AMZ1: variants seen among roughly 807,000 people sequenced by gnomAD.
AMZ1 encodes archaemetzincin-1.
Under a neutral mutation model 29.9 loss-of-function variants are expected in AMZ1, and 39 were observed. That is an observed-to-expected ratio of 1.30 (90% CI 1.01 to 1.70). AMZ1 has a LOEUF of 1.70. Among genes scored for constraint, AMZ1 ranks in the 40% most tolerant of loss-of-function variants. AMZ1 has a pLI of 0.00. For synonymous variants in AMZ1, 458 were observed against 304.0 expected (o/e 1.51, Z -5.27); for missense variants, 1,041 against 680.6 (o/e 1.53, Z -5.89).
intron 3 of AMZ1, among the ~76,000 whole-genome samples, chr7:2,707,665 GCTCCAGGAAA>G (rs558973873): frequency 3.1e-4 from 47 of 152,160 alleles, no homozygotes; most frequent in East Asian, 1.5e-3. Flanking sequence ...TCAAGGGTTG[GCTCCAGGAAA>G]CTCCAGGGAG....
chr7:2,710,512 G>C, intron 6 of AMZ1, among the ~76,000 whole-genome samples: 1 of 152,230 alleles, frequency 6.6e-6, no homozygotes, highest in East Asian at 1.9e-4. Flanking sequence ...TGAGGCAAGT[G>C]GGGGTGTGGT....
rs185039713 is a variant in AMZ1 at position 2,712,898 on chromosome 7, C to T, written c.*20C>T. Reference sequence around the variant, plus strand: ...AGTTAGTACAGCAGGGGCTGCCCTACGTCTCCTTCCCTAAGGATGCTGGCC... The same window carrying T: ...AGTTAGTACAGCAGGGGCTGCCCTATGTCTCCTTCCCTAAGGATGCTGGCC... On this transcript the variant is annotated 3_prime_UTR_variant, in exon 7 of 7. Coordinates refer to ENST00000683327, the MANE Select transcript of AMZ1 (RefSeq NM_001384743.1). 3.1e-3 allele frequency: 4,617 copies of T among 1,508,252 alleles called. 15 individuals carry two copies. The highest frequency in any genetic ancestry group is 3.9e-3 in the Non-Finnish European group (4,388 of 1,128,440). The allele number at this position is 1,508,252 out of a possible 1,614,324, so 93.4% of individuals were successfully genotyped here. A position where few individuals can be genotyped will look rare whatever the true frequency, so the allele number is the denominator to read the frequency against.
At chr7:2,708,867 C>G (rs549400741) in intron 4 of AMZ1, 151 bp downstream of exon 4, 92 of 1,363,592 alleles carry the variant, frequency 6.7e-5, no homozygotes, top group Non-Finnish European at 7.2e-5. Context: ...CCCCTTCCAG[C>G]TCCTCCTGAG....
chr7:2,714,948 T>A lies in AMZ1; in HGVS notation c.*2070T>A, dbSNP rs1184171644. The A allele has an allele frequency of 1.3e-5, 2 of 152,136 alleles. No homozygotes were observed. Among genetic ancestry groups the A allele is most frequent in the Non-Finnish European group, 2.9e-5 (2 of 67,988 alleles). The allele number at this position is 152,136 out of a possible 1,614,324, so 9.4% of individuals were successfully genotyped here. A position where few individuals can be genotyped will look rare whatever the true frequency, so the allele number is the denominator to read the frequency against. ...ATTTCAGAGAAGCTCAGATGTAGCA[T>A]TAGGACCTTCATCCATACCCTTCTC... On this transcript the variant is annotated 3_prime_UTR_variant, in exon 7 of 7. Transcript: ENST00000683327.
At chr7:2,707,818 C>CTTTTTTTTTTTTTT in intron 3 of AMZ1, among the ~76,000 whole-genome samples, 1 of 95,340 alleles carries the variant, frequency 1.0e-5, no homozygotes, top group Non-Finnish European at 2.0e-5. Context: ...CTAACGAGGG[C>CTTTTTTTTTTTTTT]TTTTTTTTTT....
downstream of AMZ1, among the ~76,000 whole-genome samples, chr7:2,723,654 C>T (rs757381326): frequency 5.3e-5 from 8 of 152,154 alleles, no homozygotes; most frequent in Admixed American, 1.3e-4. Flanking sequence ...CTCTCGGGGA[C>T]GATTCAGATC....
chr7:2,682,495 G>A (rs1786919065), intron 1 of AMZ1, among the ~76,000 whole-genome samples: 3 of 152,088 alleles, frequency 2.0e-5, no homozygotes, highest in Admixed American at 6.5e-5. Flanking sequence ...GCACGGGCAC[G>A]GAGCCCATGG....
At position 2,700,707 on chromosome 7, in the gene AMZ1, C is replaced by G; in HGVS notation, c.256C>G (p.His86Asp). ...CCAGACCTTCCACGCCTCCCTGCAG[C>G]ACCGGAAGCCCCGCCTGGCTCGGAA... ...DFQTFHASLQ[H>D]RKPRLARKHI... Residue 86 changes from histidine (H) to aspartate (D), a missense_variant, in exon 2 of 7, where the codon CAC (histidine) becomes GAC (aspartate). Physicochemically the swap from His to Asp is moderately conservative, Grantham distance 81 (BLOSUM62 -1). Coordinates refer to ENST00000683327, the MANE Select transcript of AMZ1 (RefSeq NM_001384743.1). The G allele has an allele frequency of 6.2e-7, 1 of 1,613,180 alleles. No homozygotes were observed. The highest frequency in any genetic ancestry group is 1.3e-5 in the African/African-American group (1 of 75,068).
rs1404386083 is a variant in AMZ1, at chr7:2,709,743, C to T, written c.875C>T (p.Pro292Leu). 1.9e-6 allele frequency: 3 copies of T among 1,611,550 alleles called. No homozygotes were observed. Among genetic ancestry groups the T allele is most frequent in the Non-Finnish European group, 2.5e-6 (3 of 1,179,870 alleles). Residue 292 changes from proline (P) to leucine (L), a missense_variant, in exon 6 of 7, where the codon CCC becomes CTC. Transcript: ENST00000683327. ...ALSLDEALRR[P>L]LDLCPICLRK... Reference sequence around the variant, plus strand: ...AGCCTGGACGAGGCCCTGCGGCGGCCCCTGGACCTCTGTCCCATCTGCCTG... The same window carrying T: ...AGCCTGGACGAGGCCCTGCGGCGGCTCCTGGACCTCTGTCCCATCTGCCTG...
chr7:2,692,023 G>A (rs1787419469), intron 1 of AMZ1, among the ~76,000 whole-genome samples: 1 of 152,224 alleles, frequency 6.6e-6, no homozygotes, highest in African/African-American at 2.4e-5. Flanking sequence ...GCCCCTTGTG[G>A]GCGGCAGTGC....
In AMZ1 at chr7:2,712,629, G is replaced by A. The variant is rs1050219087; in HGVS notation, c.1248G>A (p.Gln416=). The change falls in exon 7 of 7, where the codon CAG becomes CAA. Residue 416 remains glutamine (Q), a synonymous_variant. Transcript: ENST00000683327. The part of the protein sequence containing the change: ...EHERWLAMCI[Q]ALQREVAEED... The stretch of plus-strand genomic sequence containing the variant: ...AACGGTGGCTGGCCATGTGCATCCA[G>A]GCCCTGCAGCGGGAAGTGGCAGAGG... The A allele has an allele frequency of 6.2e-7, 1 of 1,612,950 alleles. No individual in the cohort carries two copies. The highest frequency in any genetic ancestry group is 8.5e-7 in the Non-Finnish European group (1 of 1,179,880).
chr7:2,687,996 T>G (rs1787151906), upstream of AMZ1, among the ~76,000 whole-genome samples: 1 of 149,566 alleles, frequency 6.7e-6, no homozygotes, highest in Admixed American at 6.7e-5. Context: ...CTGTTTGGCT[T>G]TAGGCTCTGG....
upstream of AMZ1, among the ~76,000 whole-genome samples, chr7:2,687,987 T>C (rs957246606): frequency 6.6e-6 from 1 of 151,296 alleles, no homozygotes; most frequent in African/African-American, 2.4e-5. Context: ...CTCCCTCACC[T>C]GTTTGGCTTT....
At position 2,713,091 on chromosome 7, in the gene AMZ1, A is replaced by G; in HGVS notation, c.*213A>G. 2.2e-6 allele frequency: 1 copy of G among 459,006 alleles called. No homozygotes were observed. The highest frequency in any genetic ancestry group is 3.7e-6 in the Non-Finnish European group (1 of 273,782). 28.4% of individuals were successfully genotyped at this position (459,006 alleles called of 1,614,324 possible). ...TGCCTCTACAAAAGAAAAATTAAAA[A>G]ATTAGCTGGATGAAGTGGTTCATGC... On this transcript the variant is annotated 3_prime_UTR_variant, in exon 7 of 7. Transcript: ENST00000683327.
In AMZ1 at chr7:2,712,854, T is replaced by G; in HGVS notation, c.1473T>G (p.Arg491=). 1.3e-6 allele frequency: 2 copies of G among 1,523,014 alleles called. No individual in the cohort carries two copies. Among genetic ancestry groups the G allele is most frequent in the Non-Finnish European group, 8.8e-7 (1 of 1,135,240 alleles). The allele number at this position is 1,523,014 out of a possible 1,614,324, so 94.3% of individuals were successfully genotyped here. ...RKLARAESAP[R]PWDGEES Reference sequence around the variant, plus strand: ...TCGCCAGAGCAGAGTCGGCCCCCCGTCCCTGGGATGGGGAAGAGAGTTAGT... The same window carrying G: ...TCGCCAGAGCAGAGTCGGCCCCCCGGCCCTGGGATGGGGAAGAGAGTTAGT... The change falls in exon 7 of 7, where the codon CGT becomes CGG. Residue 491 remains arginine, a synonymous_variant. Transcript: ENST00000683327.
In AMZ1 at chr7:2,731,577, G is replaced by T; in HGVS notation, n.550+21761G>T. The T allele has an allele frequency of 6.2e-7, 1 of 1,613,096 alleles. No individual in the cohort carries two copies. Among genetic ancestry groups the T allele is most frequent in the Non-Finnish European group, 8.5e-7 (1 of 1,179,348 alleles). Reference sequence around the variant, plus strand: ...GGTCGTACTCGCTGGAGGAGACCATGAACAGGATGGACGTGATCCCGTCGA... The same window carrying T: ...GGTCGTACTCGCTGGAGGAGACCATTAACAGGATGGACGTGATCCCGTCGA... On this transcript the variant is annotated intron_variant and non_coding_transcript_variant, in intron 4 of 4. Coordinates refer to the AMZ1 transcript ENST00000489665. This position sits in a 1 kb window ranked among gnomAD's most constrained non-coding sequence, Gnocchi z 6.0.
rs1334897920 is a variant in AMZ1, at chr7:2,718,695, C to CA, written c.*5818dup. 4.6e-5 allele frequency among the ~76,000 whole-genome samples: 7 copies of CA among 152,228 alleles called. No homozygotes were observed. The highest frequency in any genetic ancestry group is 1.7e-4 in the African/African-American group (7 of 41,456). On this transcript the variant is annotated 3_prime_UTR_variant, in exon 7 of 7. Transcript: ENST00000683327. ...CCAACACTTTCTCACGTAGGAGCTC[C>CA]ACTGTCCCTTCTAACAGGACAGGGC... is the stretch of plus-strand genomic sequence containing the variant.
downstream of AMZ1, among the ~76,000 whole-genome samples, chr7:2,723,332 T>G (rs552649513): frequency 6.6e-6 from 1 of 152,336 alleles, no homozygotes; most frequent in Non-Finnish European, 1.5e-5. Context: ...CCAGACAGCC[T>G]GGGTGAGCGG....
chr7:2,687,884 T>C (rs111698181), upstream of AMZ1, among the ~76,000 whole-genome samples: 34 of 152,176 alleles, frequency 2.2e-4, 1 homozygote, highest in African/African-American at 7.5e-4. Flanking sequence ...CCTTAACTGG[T>C]GGCCTGGTTC....
Sources: gnomAD v4.1 joint callset for allele counts (sites outside exome capture counted in the v4.1 genomes callset) on GRCh38, gnomAD v4.1.1 for gene constraint, Gnocchi (gnomAD v3.1) non-coding constraint, MANE v1.5 for transcripts, NCBI Gene and HGNC (gene_info 2026-07-23, HGNC 2026-07-21) for gene names.